FOXK1: variants seen among roughly 807,000 people sequenced by gnomAD.
The protein encoded by FOXK1 is forkhead box K1, also known as forkhead box protein K1.
FOXK1 carries 19 observed loss-of-function variants against 51.9 expected under a neutral mutation model. The observed-to-expected ratio is 0.37, with a 90% CI of 0.26 to 0.54. The LOEUF (loss-of-function observed/expected upper bound fraction) is 0.54. Ranked by LOEUF, FOXK1 falls within the 20% of genes least tolerant of loss-of-function variation. The pLI is 0.87. For synonymous variants in FOXK1, 537 were observed against 482.6 expected (o/e 1.11, Z -1.48); for missense variants, 870 against 1,032.7 (o/e 0.84, Z 2.16).
chr7:4,686,937 CTT>C (rs751835527), intron 1 of FOXK1, among the ~76,000 whole-genome samples: 4 of 117,150 alleles, frequency 3.4e-5, no homozygotes, highest in Admixed American at 8.1e-5. Context: ...TTTTTCTTTT[CTT>C]TTTTTTTTTT....
intron 1 of FOXK1, among the ~76,000 whole-genome samples, chr7:4,737,456 G>A (rs547914413): frequency 1.5e-3 from 228 of 151,986 alleles, no homozygotes; most frequent in Non-Finnish European, 2.7e-3. Flanking sequence ...GTGCGTGCAC[G>A]TGTGCATGTG....
Position 4,762,492 on chromosome 7 carries a change from C to A in FOXK1, c.*28C>A. ...TCACCTGCAACGCGGGGGAGTGGGA[C>A]TCACCCAGCGGCGACCCCGAAGCTG... is the stretch of plus-strand genomic sequence containing the variant. On this transcript the variant is annotated 3_prime_UTR_variant, in exon 9 of 9. Transcript: ENST00000328914. The surrounding 1 kb of genome is among the most constrained non-coding windows in gnomAD (Gnocchi z 5.7). 6.5e-7 allele frequency: 1 copy of A among 1,527,340 alleles called. No homozygotes were observed. The highest frequency in any genetic ancestry group is 2.5e-5 in the East Asian group (1 of 40,336). The allele number at this position is 1,527,340 out of a possible 1,614,324, so 94.6% of individuals were successfully genotyped here.
At position 4,759,469 on chromosome 7, in the gene FOXK1, A is replaced by G. The variant is rs201509399; in HGVS notation, c.1570A>G (p.Met524Val). Residue 524 changes from methionine (M) to valine (V), a missense_variant, in exon 7 of 9, where the codon ATG becomes GTG. Met to Val is a conservative substitution (Grantham distance 21). Around this residue, in one of 3 missense-constraint regions of FOXK1, gnomAD observed 457 missense variants for 510.8 expected, o/e 0.89. Coordinates refer to ENST00000328914, the MANE Select transcript of FOXK1 (RefSeq NM_001037165.2). ...HVVQQAPTVT[M>V]VRVVTTSANS... ...CGTGCAGCAGGCCCCCACCGTCACC[A>G]TGGTCAGGGTGGTCACCACATCTGC... 2.5e-6 allele frequency: 4 copies of G among 1,589,244 alleles called. No individual in the cohort carries two copies. Among genetic ancestry groups the G allele is most frequent in the African/African-American group, 2.7e-5 (2 of 74,688 alleles).
chr7:4,706,645 A>C (rs1583187940), intron 1 of FOXK1, among the ~76,000 whole-genome samples: 1 of 152,246 alleles, frequency 6.6e-6, no homozygotes, highest in African/African-American at 2.4e-5. Context: ...CCAAAAAGCA[A>C]AATGTGATTT....
chr7:4,701,132 C>T (rs1013175453), intron 1 of FOXK1, among the ~76,000 whole-genome samples: 7 of 152,194 alleles, frequency 4.6e-5, no homozygotes, highest in African/African-American at 1.4e-4. Flanking sequence ...GGCTGGAGAA[C>T]GGGCTTCCTA....
At position 4,762,156 on chromosome 7, in the gene FOXK1, G is replaced by T; in HGVS notation, c.1922-28G>T. 6.5e-7 allele frequency: 1 copy of T among 1,535,902 alleles called. No individual in the cohort carries two copies. ...GCAGCTGGGTCCTAACCAGACCCCA[G>T]AGTAACCCTCTTCTTCCTCCACTCC... On this transcript the variant is annotated intron_variant, in intron 8 of 8. Coordinates refer to ENST00000328914, the MANE Select transcript of FOXK1 (RefSeq NM_001037165.2). This position sits in a 1 kb window ranked among gnomAD's most constrained non-coding sequence, Gnocchi z 5.7.
At chr7:4,704,004 A>G (rs1348269822) in intron 1 of FOXK1, among the ~76,000 whole-genome samples, 1 of 152,206 alleles carries the variant, frequency 6.6e-6, no homozygotes, top group African/African-American at 2.4e-5. Flanking sequence ...ATGCTTAACA[A>G]AATAACTTGG....
chr7:4,757,273 C>G (rs1483561671), intron 5 of FOXK1, 86 bp downstream of exon 5: 1 of 1,230,406 alleles, frequency 8.1e-7, no homozygotes, highest in East Asian at 2.4e-5. Context: ...AGTCAGCCCT[C>G]CGGATCTGTG....
chr7:4,762,525 C>A lies in FOXK1; in HGVS notation c.*61C>A. On this transcript the variant is annotated 3_prime_UTR_variant, in exon 9 of 9. Coordinates refer to ENST00000328914, the MANE Select transcript of FOXK1 (RefSeq NM_001037165.2). This position sits in a 1 kb window ranked among gnomAD's most constrained non-coding sequence, Gnocchi z 5.7. Reference sequence around the variant, plus strand: ...GCGGCGACCCCGAAGCTGGACCCGGCAGCTCAGGCGGCCGCACCCACAGAC... The same window carrying A: ...GCGGCGACCCCGAAGCTGGACCCGGAAGCTCAGGCGGCCGCACCCACAGAC... The A allele has an allele frequency of 1.4e-6, 2 of 1,479,906 alleles. No individual in the cohort carries two copies. Among genetic ancestry groups the A allele is most frequent in the Non-Finnish European group, 1.8e-6 (2 of 1,106,580 alleles). The allele number at this position is 1,479,906 out of a possible 1,614,324, so 91.7% of individuals were successfully genotyped here.
intron 1 of FOXK1, among the ~76,000 whole-genome samples, chr7:4,698,332 C>T (rs1327410207): frequency 6.7e-6 from 1 of 149,214 alleles, no homozygotes; most frequent in Admixed American, 6.6e-5. Flanking sequence ...ATATATATAT[C>T]GTGCCCTTTT....
At chr7:4,718,383 G>C (rs115981363) in intron 1 of FOXK1, among the ~76,000 whole-genome samples, 2 of 152,196 alleles carry the variant, frequency 1.3e-5, no homozygotes, top group Admixed American at 1.3e-4. Context: ...TTTCAGAAGC[G>C]GGCTCGTCCG....
At chr7:4,699,785 A>C (rs1306939127) in intron 1 of FOXK1, among the ~76,000 whole-genome samples, 1 of 152,202 alleles carries the variant, frequency 6.6e-6, no homozygotes, top group Non-Finnish European at 1.5e-5. Flanking sequence ...TACAAGTGTT[A>C]AAATATTAAT....
intron 2 of FOXK1, among the ~76,000 whole-genome samples, chr7:4,742,096 T>G (rs748925614): frequency 6.6e-6 from 1 of 152,286 alleles, no homozygotes; most frequent in Non-Finnish European, 1.5e-5. Context: ...GCCGGAGCTG[T>G]GGCTCCTCCG....
In FOXK1 at chr7:4,683,591, C is replaced by T. The variant is rs1376979837; in HGVS notation, c.560+723C>T. On this transcript the variant is annotated intron_variant, in intron 1 of 8. Transcript: ENST00000328914. This position sits in a 1 kb window ranked among gnomAD's most constrained non-coding sequence, Gnocchi z 4.5. ...CCTTCCAGGTCACCCTGGACCCCCA[C>T]CAGCTTGGACTCCAGGGTCACCCCA... Among the ~76,000 whole-genome samples, 1 of 151,974 alleles carries T rather than the reference C, an allele frequency of 6.6e-6. No individual in the cohort carries two copies. The highest frequency in any genetic ancestry group is 2.4e-5 in the African/African-American group (1 of 41,382).
Position 4,761,340 on chromosome 7 carries a change from A to T in FOXK1, c.1921+52A>T, listed in dbSNP as rs545172875. The T allele has an allele frequency of 1.3e-6, 2 of 1,539,024 alleles. No homozygotes were observed. Among genetic ancestry groups the T allele is most frequent in the East Asian group, 4.6e-5 (2 of 43,186 alleles). The stretch of plus-strand genomic sequence containing the variant: ...CCACATCCCAAGCTCTGTGGCTCCC[A>T]GTAGTCAGTGCGGCATGAGAATGTT... On this transcript the variant is annotated intron_variant, in intron 8 of 8. Coordinates refer to ENST00000328914, the MANE Select transcript of FOXK1 (RefSeq NM_001037165.2). The surrounding 1 kb of genome is among the most constrained non-coding windows in gnomAD (Gnocchi z 6.2).
Position 4,758,835 on chromosome 7 carries a change from T to C in FOXK1, c.1245-216T>C. On this transcript the variant is annotated intron_variant, in intron 5 of 8. Transcript: ENST00000328914. This position sits in a 1 kb window ranked among gnomAD's most constrained non-coding sequence, Gnocchi z 4.4. Reference sequence around the variant, plus strand: ...CCTCACATGATACCGTCCCCTCTCATGGAACGGAGCCTCCCCCATGCAGCC... The same window carrying C: ...CCTCACATGATACCGTCCCCTCTCACGGAACGGAGCCTCCCCCATGCAGCC... 1 of 581,666 alleles carries C rather than the reference T, an allele frequency of 1.7e-6. No individual in the cohort carries two copies. The highest frequency in any genetic ancestry group is 2.1e-5 in the South Asian group (1 of 47,010). 36.0% of individuals were successfully genotyped at this position (581,666 alleles called of 1,614,324 possible).
chr7:4,720,906 A>G (rs1780300685), intron 1 of FOXK1, among the ~76,000 whole-genome samples: 1 of 150,008 alleles, frequency 6.7e-6, no homozygotes, highest in East Asian at 1.9e-4. Context: ...TTTAGTATAG[A>G]CGGGGATCCA....
At chr7:4,717,708 C>T (rs1170073966) in intron 1 of FOXK1, among the ~76,000 whole-genome samples, 1 of 152,174 alleles carries the variant, frequency 6.6e-6, no homozygotes, top group African/African-American at 2.4e-5. Context: ...CTCCTTGTCT[C>T]TCTGAGCATT....
At chr7:4,712,962 A>C (rs771858036) in intron 1 of FOXK1, among the ~76,000 whole-genome samples, 1 of 152,112 alleles carries the variant, frequency 6.6e-6, no homozygotes, top group Non-Finnish European at 1.5e-5. Context: ...TCCAAACGAG[A>C]TTTCATTTTT....
Sources: gnomAD v4.1 joint callset for allele counts (sites outside exome capture counted in the v4.1 genomes callset) on GRCh38, gnomAD v4.1.1 for gene constraint, gnomAD v4.1.1 regional missense constraint, Gnocchi (gnomAD v3.1) non-coding constraint, MANE v1.5 for transcripts, NCBI Gene and HGNC (gene_info 2026-07-23, HGNC 2026-07-21) for gene names.